Variants in ERBIN observed in about 807,000 individuals in gnomAD.
The protein encoded by ERBIN is erbb2 interacting protein, also known as densin-180-like protein.
A neutral mutation model predicts 158.4 loss-of-function variants in ERBIN; 60 were observed. The observed-to-expected ratio is 0.38, with a 90% CI of 0.31 to 0.47. The LOEUF is 0.47. Among genes scored for constraint, ERBIN ranks in the 20% least tolerant of loss-of-function variants. ERBIN has a pLI of 0.99. For missense variants in ERBIN, 1,610 were observed against 1,648.0 expected (o/e 0.98, Z 0.40); for synonymous variants, 594 against 557.2 (o/e 1.07, Z -0.93).
At chr5:65,938,497 G>A (rs930604566) in intron 1 of ERBIN, among the ~76,000 whole-genome samples, 2 of 151,364 alleles carry the variant, frequency 1.3e-5, no homozygotes, top group African/African-American at 4.9e-5. Context: ...AACCCAGTTT[G>A]CATATTTATT....
chr5:65,986,333 T>C (rs1751232120), intron 1 of ERBIN, among the ~76,000 whole-genome samples: 1 of 152,240 alleles, frequency 6.6e-6, no homozygotes, highest in Non-Finnish European at 1.5e-5. Context: ...TTCAGTTTAG[T>C]GGCAGCTCCG....
In ERBIN at chr5:66,080,247, T is replaced by A. The variant is rs1037592002; in HGVS notation, c.*1717T>A. 3 of 152,568 alleles carry A rather than the reference T, an allele frequency of 2.0e-5. No homozygotes were observed. Among genetic ancestry groups the A allele is most frequent in the African/African-American group, 7.2e-5 (3 of 41,456 alleles). 9.5% of individuals were successfully genotyped at this position (152,568 alleles called of 1,614,324 possible). A position where few individuals can be genotyped will look rare whatever the true frequency, so the allele number is the denominator to read the frequency against. On this transcript the variant is annotated 3_prime_UTR_variant, in exon 26 of 26. Transcript: ENST00000284037. ...TAGTCAGAGTAAGTAGGCAGCACTT[T>A]TAAAAATATGTGAACTCAAATATTG...
At chr5:66,037,227 G>T (rs542797503) in intron 14 of ERBIN, among the ~76,000 whole-genome samples, 2 of 152,064 alleles carry the variant, frequency 1.3e-5, no homozygotes, top group East Asian at 3.9e-4. Flanking sequence ...GGAAAAATTT[G>T]GTGTAAAAGA....
chr5:66,002,178 T>C (rs1580312441), intron 4 of ERBIN, among the ~76,000 whole-genome samples: 1 of 152,168 alleles, frequency 6.6e-6, no homozygotes, highest in African/African-American at 2.4e-5. Context: ...TATTCCATGG[T>C]GTATTATGTG....
At chr5:65,988,441 A>G (rs1561337518) in intron 1 of ERBIN, among the ~76,000 whole-genome samples, 194 bp from the exon 2 acceptor site, 1 of 151,472 alleles carries the variant, frequency 6.6e-6, no homozygotes, top group Admixed American at 6.6e-5. Context: ...GTGTGCATAC[A>G]CTTGTGTGTA....
At chr5:66,039,683 T>C (rs1757747049) in intron 15 of ERBIN, among the ~76,000 whole-genome samples, 1 of 152,014 alleles carries the variant, frequency 6.6e-6, no homozygotes, top group Non-Finnish European at 1.5e-5. Flanking sequence ...CAGCTTAATA[T>C]TAAGTATACT....
chr5:65,933,813 A>G lies in ERBIN; in HGVS notation c.-58+7007A>G, dbSNP rs139837106. On this transcript the variant is annotated intron_variant, in intron 1 of 25. Coordinates refer to ENST00000284037, the MANE Select transcript of ERBIN (RefSeq NM_001253697.2). ...TTTAAATTAAATTTTAATTTTTGAA[A>G]CAATGACTGACATATGGAAAAGTTT... Among the ~76,000 whole-genome samples the G allele has an allele frequency of 6.4e-3, 972 of 152,312 alleles. 9 individuals are homozygous for G. The highest frequency in any genetic ancestry group is 6.9e-3 in the Non-Finnish European group (472 of 68,026).
chr5:65,992,599 CAGG>C lies in ERBIN; in HGVS notation c.-9-108_-9-106del, dbSNP rs1445821079. The C allele has an allele frequency of 2.4e-5, 17 of 719,800 alleles. No homozygotes were observed. In the South Asian group the frequency reaches 2.4e-4, roughly 10 times the overall value. 44.6% of individuals were successfully genotyped at this position (719,800 alleles called of 1,614,324 possible). On this transcript the variant is annotated intron_variant, in intron 2 of 25. Transcript: ENST00000284037. ...GGGTTCCATTGTGCTTGTATAGTGGCAGGAGAAGTGTTTATCTGTGACATATGA... is the reference window on the plus strand; with the variant it reads ...GGGTTCCATTGTGCTTGTATAGTGGCAGAAGTGTTTATCTGTGACATATGA...
intron 18 of ERBIN, among the ~76,000 whole-genome samples, 162 bp from the exon 19 acceptor site, chr5:66,048,505 A>G (rs1181040221): frequency 1.3e-5 from 2 of 152,018 alleles, no homozygotes; most frequent in East Asian, 1.9e-4. Context: ...AAATTGTACA[A>G]ACAGTCTTGG....
chr5:65,964,078 C>T (rs1324608438), intron 1 of ERBIN, among the ~76,000 whole-genome samples: 2 of 152,050 alleles, frequency 1.3e-5, no homozygotes, highest in Admixed American at 6.5e-5. Flanking sequence ...GGATTACAGG[C>T]GTGAGCCACT....
chr5:66,021,370 C>T lies in ERBIN; in HGVS notation c.582C>T (p.Asn194=), dbSNP rs1395771204. 3.1e-6 allele frequency: 5 copies of T among 1,601,052 alleles called. No homozygotes were observed. Among genetic ancestry groups the T allele is most frequent in the South Asian group, 1.1e-5 (1 of 89,952 alleles). Reference sequence around the variant, plus strand: ...TGGAAAGACTGGATTTGGGAAGTAACGAATTCACGGAAGTGGTAAGTTCTC... The same window carrying T: ...TGGAAAGACTGGATTTGGGAAGTAATGAATTCACGGAAGTGGTAAGTTCTC... ...TQLERLDLGS[N]EFTEVPEVLE... Residue 194 remains asparagine, a synonymous_variant, in exon 8 of 26, where the codon AAC becomes AAT. Coordinates refer to ENST00000284037, the MANE Select transcript of ERBIN (RefSeq NM_001253697.2).
intron 1 of ERBIN, among the ~76,000 whole-genome samples, chr5:65,967,161 A>G (rs152994): frequency 0.73 from 111,124 of 151,564 alleles, 42,476 homozygotes; most frequent in Non-Finnish European, 0.86. Flanking sequence ...GTTTTACACC[A>G]TGTTATTACA....
At chr5:66,007,548 A>T (rs1418545455) in intron 4 of ERBIN, among the ~76,000 whole-genome samples, 3 of 45,128 alleles carry the variant, frequency 6.6e-5, no homozygotes, top group Non-Finnish European at 1.8e-4. Context: ...AAGTATAATA[A>T]AAAAAAAAAA....
intron 1 of ERBIN, among the ~76,000 whole-genome samples, chr5:65,964,137 A>G (rs1266040838): frequency 2.6e-5 from 4 of 152,208 alleles, no homozygotes; most frequent in African/African-American, 4.8e-5. Flanking sequence ...GTCGGGTTCC[A>G]TGAAACTCTA....
chr5:65,982,326 G>T (rs1750746042), intron 1 of ERBIN, among the ~76,000 whole-genome samples: 1 of 152,078 alleles, frequency 6.6e-6, no homozygotes, highest in Non-Finnish European at 1.5e-5. Flanking sequence ...TTCTGGGGAG[G>T]GGAAGGTGGA....
Position 66,081,296 on chromosome 5 carries a change from T to A in ERBIN, c.*2766T>A, listed in dbSNP as rs1762373319. On this transcript the variant is annotated 3_prime_UTR_variant, in exon 26 of 26. Coordinates refer to ENST00000284037, the MANE Select transcript of ERBIN (RefSeq NM_001253697.2). The stretch of plus-strand genomic sequence containing the variant: ...ATCTGAATCAATGAAATTCTAAAAT[T>A]CCCTACATATTTATTTTGTAAATAT... 6.6e-6 allele frequency: 1 copy of A among 152,036 alleles called. No homozygotes were observed. Among genetic ancestry groups the A allele is most frequent in the African/African-American group, 2.4e-5 (1 of 41,452 alleles). The allele number at this position is 152,036 out of a possible 1,614,324, so 9.4% of individuals were successfully genotyped here.
intron 1 of ERBIN, among the ~76,000 whole-genome samples, chr5:65,962,589 C>T (rs897588620): frequency 1.3e-5 from 2 of 152,156 alleles, no homozygotes; most frequent in Admixed American, 6.5e-5. Flanking sequence ...CATATTCCTG[C>T]TTTTATATTT....
Position 66,070,522 on chromosome 5 carries a change from T to A in ERBIN, c.3634-1647T>A, listed in dbSNP as rs1036344357. ...TTTTATAGTAACATTTTGTGCTTGT[T>A]TTTTTTTAATTTGGAGCCTTTGAAT... On this transcript the variant is annotated intron_variant, in intron 21 of 25. Coordinates refer to ENST00000284037, the MANE Select transcript of ERBIN (RefSeq NM_001253697.2). Among the ~76,000 whole-genome samples, 14 of 142,946 alleles carry A rather than the reference T, an allele frequency of 9.8e-5. 1 individual carries two copies. Among genetic ancestry groups the A allele is most frequent in the African/African-American group, 4.3e-4 (14 of 32,716 alleles). The allele number at this position is 142,946 out of a possible 152,430, so 93.8% of individuals were successfully genotyped here.
intron 4 of ERBIN, among the ~76,000 whole-genome samples, chr5:65,998,985 AT>A (rs1368436386): frequency 6.6e-6 from 1 of 151,562 alleles, no homozygotes; most frequent in African/African-American, 2.4e-5. Context: ...AGTTGTTAGC[AT>A]TTTGTTACAT....
Sources: gnomAD v4.1 joint callset for allele counts (sites outside exome capture counted in the v4.1 genomes callset) on GRCh38, gnomAD v4.1.1 for gene constraint, MANE v1.5 for transcripts, NCBI Gene and HGNC (gene_info 2026-07-23, HGNC 2026-07-21) for gene names.